UBE2K: variants seen among roughly 807,000 people sequenced by gnomAD.
UBE2K encodes the protein ubiquitin conjugating enzyme E2 K.
Under a neutral mutation model 30.0 loss-of-function variants are expected in UBE2K, and 6 were observed. That is an observed-to-expected ratio of 0.20 (90% CI 0.11 to 0.39). The LOEUF is 0.39. UBE2K is among the 10% of genes least tolerant of loss of function. The pLI is 1.00. For synonymous variants in UBE2K, 86 were observed against 83.7 expected, an observed-to-expected ratio of 1.03 and a Z score of -0.15; for missense variants, 61 against 241.6, an observed-to-expected ratio of 0.25 and a Z score of 4.96.
At chr4:39,699,697 CAAT>C (rs1195545336) in intron 1 of UBE2K, among the ~76,000 whole-genome samples, 1 of 152,000 alleles carries the variant, frequency 6.6e-6, no homozygotes, top group Non-Finnish European at 1.5e-5. Context: ...TTAATAGTGT[CAAT>C]AATAATTTGT....
At position 39,770,602 on chromosome 4, in the gene UBE2K, TCAA is replaced by T. The variant is rs1001667927; in HGVS notation, c.300-4229_300-4227del. On this transcript the variant is annotated intron_variant, in intron 4 of 6. Transcript: ENST00000261427. ...CCCACGCTGGCCCGGCCTCCCGGAGTCAACAGCAGGCTCTCCCCTTCTGCGTTC... is the reference window on the plus strand; with the variant it reads ...CCCACGCTGGCCCGGCCTCCCGGAGTCAGCAGGCTCTCCCCTTCTGCGTTC... The T allele has an allele frequency of 2.5e-6, 4 of 1,588,146 alleles. No homozygotes were observed. The African/African-American group carries it at 4.1e-5, about 16-fold the overall frequency.
chr4:39,717,920 C>T (rs1443572953), intron 1 of UBE2K, among the ~76,000 whole-genome samples: 1 of 146,774 alleles, frequency 6.8e-6, no homozygotes, highest in Non-Finnish European at 1.5e-5. Context: ...CCGGTGGGTT[C>T]GTGGTTTCGC....
chr4:39,735,838 A>T (rs1720347799), intron 1 of UBE2K, among the ~76,000 whole-genome samples: 1 of 152,014 alleles, frequency 6.6e-6, no homozygotes, highest in Non-Finnish European at 1.5e-5. Context: ...AGAAAAATGT[A>T]AAAAAAAGTA....
chr4:39,741,880 C>G (rs1456553805), intron 2 of UBE2K, among the ~76,000 whole-genome samples: 1 of 151,982 alleles, frequency 6.6e-6, no homozygotes, highest in South Asian at 2.1e-4. Flanking sequence ...AAAAGCTATT[C>G]TTCAAGAAGT....
At chr4:39,757,031 TG>T (rs66515673) in intron 4 of UBE2K, among the ~76,000 whole-genome samples, 2,893 of 118,888 alleles carry the variant, frequency 0.024, 451 homozygotes, top group African/African-American at 0.04. Flanking sequence ...TTTTGTTTTT[TG>T]TTTTTTTTTT....
intron 1 of UBE2K, chr4:39,714,560 T>A (rs1338039362): frequency 8.0e-5 from 7 of 87,558 alleles, no homozygotes; most frequent in African/African-American, 2.6e-4. Context: ...ATTTTTTTTT[T>A]TTTTTAAGAC....
At chr4:39,743,792 T>TA (rs1243626494) in intron 2 of UBE2K, among the ~76,000 whole-genome samples, 1 of 152,228 alleles carries the variant, frequency 6.6e-6, no homozygotes, top group Non-Finnish European at 1.5e-5. Context: ...TTATTAATCT[T>TA]AGAGTTAAGA....
chr4:39,754,971 A>AGTT (rs1483096972), intron 3 of UBE2K, among the ~76,000 whole-genome samples: 2 of 152,158 alleles, frequency 1.3e-5, no homozygotes, highest in Admixed American at 1.3e-4. Flanking sequence ...GTTCCCCTAG[A>AGTT]GTTTTAGCAT....
intron 3 of UBE2K, among the ~76,000 whole-genome samples, chr4:39,752,937 C>G (rs962883046): frequency 1.3e-5 from 2 of 151,996 alleles, no homozygotes; most frequent in Non-Finnish European, 2.9e-5. Flanking sequence ...GGAGGATTGC[C>G]TGAGCCCAGA....
intron 1 of UBE2K, among the ~76,000 whole-genome samples, chr4:39,717,275 C>T (rs1345588104): frequency 6.7e-6 from 1 of 149,908 alleles, no homozygotes; most frequent in Non-Finnish European, 1.5e-5. Context: ...GCTATATCGC[C>T]CAGGCTGGAG....
chr4:39,753,152 C>G (rs1327459345), intron 3 of UBE2K, among the ~76,000 whole-genome samples: 2 of 152,144 alleles, frequency 1.3e-5, no homozygotes, highest in African/African-American at 2.4e-5. Context: ...ACTTTGGGAG[C>G]CTATGTCGGG....
chr4:39,728,521 A>G (rs556397404), intron 1 of UBE2K, among the ~76,000 whole-genome samples: 1 of 152,296 alleles, frequency 6.6e-6, no homozygotes, highest in East Asian at 1.9e-4. Flanking sequence ...TCCTTGAAAT[A>G]TTATTCCTGT....
chr4:39,735,015 G>C (rs1222427288), intron 1 of UBE2K, among the ~76,000 whole-genome samples: 1 of 152,062 alleles, frequency 6.6e-6, no homozygotes, highest in African/African-American at 2.4e-5. Context: ...ACTACTTTTT[G>C]GAGGGGGGAT....
intron 4 of UBE2K, among the ~76,000 whole-genome samples, chr4:39,760,810 TA>T (rs200053497): frequency 6.6e-6 from 1 of 151,710 alleles, no homozygotes; most frequent in South Asian, 2.1e-4. Flanking sequence ...TTAAAACAAA[TA>T]AAAAAATACG....
At chr4:39,724,141 T>G (rs1199238180) in intron 1 of UBE2K, among the ~76,000 whole-genome samples, 1 of 144,422 alleles carries the variant, frequency 6.9e-6, no homozygotes, top group African/African-American at 2.5e-5. Context: ...TTTTTTTAAT[T>G]GTTGTCACCA....
In UBE2K at chr4:39,728,833, T is replaced by G. The variant is rs953775990; in HGVS notation, c.64-8587T>G. Among the ~76,000 whole-genome samples the G allele has an allele frequency of 4.7e-5, 7 of 150,398 alleles. No individual in the cohort carries two copies. The East Asian group carries it at 1.4e-3, about 30-fold the overall frequency. ...GGTTTTTTTTGTTTTTTTTGTTTTTTTTTTTTTGTATTTTTAGTAGAGACG... is the reference window on the plus strand; with the variant it reads ...GGTTTTTTTTGTTTTTTTTGTTTTTGTTTTTTTGTATTTTTAGTAGAGACG... On this transcript the variant is annotated intron_variant, in intron 1 of 6. Transcript: ENST00000261427.
intron 4 of UBE2K, among the ~76,000 whole-genome samples, chr4:39,762,127 C>T (rs1388402529): frequency 2.0e-5 from 3 of 151,434 alleles, no homozygotes; most frequent in African/African-American, 4.9e-5. Flanking sequence ...TGCAGTGAGC[C>T]GAGATCGCCT....
At chr4:39,722,156 A>G (rs751790737) in intron 1 of UBE2K, among the ~76,000 whole-genome samples, 4 of 152,180 alleles carry the variant, frequency 2.6e-5, no homozygotes, top group African/African-American at 9.6e-5. Context: ...CGTAACGTTC[A>G]CAGATTGTAT....
Position 39,716,461 on chromosome 4 carries a change from C to G in UBE2K, c.63+18071C>G, listed in dbSNP as rs145529937. The stretch of plus-strand genomic sequence containing the variant: ...ACAGGGTTTTGCCATGTTGCCCAGG[C>G]TGGTCTCAAACTCCTAGGCTCAAGT... On this transcript the variant is annotated intron_variant, in intron 1 of 6. Transcript: ENST00000261427. 3.9e-3 allele frequency among the ~76,000 whole-genome samples: 600 copies of G among 152,300 alleles called. 4 individuals carry two copies. The highest frequency in any genetic ancestry group is 0.014 in the African/African-American group (567 of 41,566).
Sources: gnomAD v4.1 joint callset for allele counts (sites outside exome capture counted in the v4.1 genomes callset) on GRCh38, gnomAD v4.1.1 for gene constraint, MANE v1.5 for transcripts, NCBI Gene and HGNC (gene_info 2026-07-23, HGNC 2026-07-21) for gene names.